The following DOP1B variants were observed in gnomAD, a reference collection of about 807,000 sequenced individuals.
DOP1B encodes protein DOP1B.
Under a neutral mutation model 233.5 loss-of-function variants are expected in DOP1B, and 174 were observed. The observed-to-expected ratio is 0.75, with a 90% CI of 0.66 to 0.85. DOP1B has a LOEUF of 0.85. DOP1B is among the 40% of genes least tolerant of loss of function. The pLI, the probability that DOP1B is intolerant of heterozygous loss-of-function variation, is 0.00. For synonymous variants in DOP1B, 1,190 were observed against 1,185.6 expected, an observed-to-expected ratio of 1.00 and a Z score of -0.08; for missense variants, 2,652 against 2,846.6, an observed-to-expected ratio of 0.93 and a Z score of 1.56.
intron 32 of DOP1B, among the ~76,000 whole-genome samples, chr21:36,283,168 G>A (rs62232383): frequency 0.41 from 62,792 of 151,318 alleles, 13,117 homozygotes; most frequent in Middle Eastern, 0.52. Context: ...TGAAACCTCC[G>A]CCTCCTAGGT....
At chr21:36,265,477 T>A (rs2067220513) in intron 26 of DOP1B, among the ~76,000 whole-genome samples, 3 of 152,228 alleles carry the variant, frequency 2.0e-5, no homozygotes, top group African/African-American at 4.8e-5. Flanking sequence ...CCTTGACTTG[T>A]AGCCAGAGAA....
intron 26 of DOP1B, among the ~76,000 whole-genome samples, chr21:36,265,403 A>G (rs2067219664): frequency 1.4e-5 from 2 of 144,530 alleles, no homozygotes; most frequent in Non-Finnish European, 3.0e-5. Context: ...TCTCAAAAAC[A>G]AAAAACAAAA....
intron 4 of DOP1B, among the ~76,000 whole-genome samples, chr21:36,202,994 A>C (rs531985455): frequency 6.6e-6 from 1 of 152,368 alleles, no homozygotes; most frequent in Non-Finnish European, 1.5e-5. Context: ...GGACAGATGA[A>C]CACATTAGTT....
intron 27 of DOP1B, among the ~76,000 whole-genome samples, chr21:36,271,861 G>A (rs753693654): frequency 6.6e-5 from 10 of 151,890 alleles, no homozygotes; most frequent in Non-Finnish European, 1.3e-4. Context: ...AGCTGGGAGG[G>A]TTGGCTCATG....
chr21:36,272,778 A>G (rs1019236038), intron 27 of DOP1B, among the ~76,000 whole-genome samples: 2 of 151,832 alleles, frequency 1.3e-5, no homozygotes, highest in African/African-American at 4.8e-5. Context: ...TGAGGTCCAG[A>G]GTTCGAGACC....
chr21:36,196,250 A>T (rs1370562894), intron 2 of DOP1B, among the ~76,000 whole-genome samples: 2 of 152,244 alleles, frequency 1.3e-5, no homozygotes, highest in Non-Finnish European at 2.9e-5. Flanking sequence ...GACAGCTTTT[A>T]GCTCTCCTGC....
In DOP1B at chr21:36,164,387, C is replaced by T. The variant is rs190692155; in HGVS notation, c.-26-321C>T. Reference sequence around the variant, plus strand: ...AGGGGCTGTGCTCATTTAAAATTACCGGCTGGCAACAACATATAGTCTAGC... The same window carrying T: ...AGGGGCTGTGCTCATTTAAAATTACTGGCTGGCAACAACATATAGTCTAGC... On this transcript the variant is annotated intron_variant, in intron 1 of 36. Transcript: ENST00000691173. 1.7e-4 allele frequency: 27 copies of T among 163,006 alleles called. No homozygotes were observed. The East Asian group carries it at 2.3e-3, about 14-fold the overall frequency. The allele number at this position is 163,006 out of a possible 1,614,324, so 10.1% of individuals were successfully genotyped here.
At chr21:36,290,111 G>C (rs529220957) in intron 35 of DOP1B, among the ~76,000 whole-genome samples, 3 of 152,316 alleles carry the variant, frequency 2.0e-5, no homozygotes, top group Admixed American at 6.5e-5. Flanking sequence ...CTCTGGTGCA[G>C]GATGTTGATA....
intron 27 of DOP1B, among the ~76,000 whole-genome samples, chr21:36,273,300 G>A (rs1052456751): frequency 1.3e-4 from 19 of 150,232 alleles, no homozygotes; most frequent in Non-Finnish European, 2.2e-4. Context: ...CCAGCTACCC[G>A]GGAGGCTGAG....
intron 23 of DOP1B, among the ~76,000 whole-genome samples, chr21:36,258,365 C>T (rs1351188350): frequency 2.6e-5 from 4 of 152,104 alleles, no homozygotes; most frequent in Admixed American, 2.0e-4. Flanking sequence ...CAAGATCACG[C>T]CACTGCACTC....
Position 36,232,955 on chromosome 21 carries a change from G to A in DOP1B, c.2502G>A (p.Lys834=), listed in dbSNP as rs1029935193. ...SQSLALVIED[K]MKRYKSSGHN... ...CCCTGGCGCTTGTCATTGAAGACAAGATGAAACGCTATAAGAGCTCTGGAC... is the reference window on the plus strand; with the variant it reads ...CCCTGGCGCTTGTCATTGAAGACAAAATGAAACGCTATAAGAGCTCTGGAC... Residue 834 remains lysine, a synonymous_variant, in exon 15 of 37, where the codon AAG becomes AAA. Transcript: ENST00000691173. 6.2e-7 allele frequency: 1 copy of A among 1,614,142 alleles called. No individual in the cohort carries two copies. Among genetic ancestry groups the A allele is most frequent in the Non-Finnish European group, 8.5e-7 (1 of 1,180,036 alleles).
chr21:36,217,321 C>T (rs2066571832), intron 9 of DOP1B, among the ~76,000 whole-genome samples: 2 of 152,166 alleles, frequency 1.3e-5, no homozygotes, highest in Non-Finnish European at 2.9e-5. Context: ...ATTTTTTGAG[C>T]AATTATTTTG....
intron 19 of DOP1B, among the ~76,000 whole-genome samples, 164 bp from the exon 20 acceptor site, chr21:36,247,353 C>A (rs2066978971): frequency 6.6e-6 from 1 of 152,134 alleles, no homozygotes; most frequent in African/African-American, 2.4e-5. Context: ...TAAAATCACA[C>A]AAAGGATGGT....
Position 36,246,934 on chromosome 21 carries a change from C to T in DOP1B, c.4697+257C>T, listed in dbSNP as rs2066973548. On this transcript the variant is annotated intron_variant, in intron 19 of 36. Coordinates refer to ENST00000691173, the MANE Select transcript of DOP1B (RefSeq NM_001320714.2). The surrounding 1 kb of genome is among the most constrained non-coding windows in gnomAD (Gnocchi z 5.1). Reference sequence around the variant, plus strand: ...AGTCTCTGTCACCCAGGCTGGAGTGCAGTGGCATGACCTCAGCTCACTGCA... The same window carrying T: ...AGTCTCTGTCACCCAGGCTGGAGTGTAGTGGCATGACCTCAGCTCACTGCA... Among the ~76,000 whole-genome samples, 1 of 152,124 alleles carries T rather than the reference C, an allele frequency of 6.6e-6. No individual in the cohort carries two copies. The highest frequency in any genetic ancestry group is 1.5e-5 in the Non-Finnish European group (1 of 68,040).
At chr21:36,276,933 T>C (rs1031848873) in intron 27 of DOP1B, 88 bp from the exon 28 acceptor site, 3 of 1,282,522 alleles carry the variant, frequency 2.3e-6, no homozygotes, top group Non-Finnish European at 3.3e-6. Flanking sequence ...CGGGAGCTGA[T>C]GGCTCACATT....
chr21:36,166,405 C>G (rs2409759), intron 2 of DOP1B, among the ~76,000 whole-genome samples: 56,153 of 151,218 alleles, frequency 0.37, 10,575 homozygotes, highest in South Asian at 0.5. Flanking sequence ...CCACTGCCCT[C>G]CATCCTGGGT....
intron 9 of DOP1B, among the ~76,000 whole-genome samples, chr21:36,217,040 A>G (rs985853517): frequency 4.9e-5 from 7 of 142,022 alleles, no homozygotes; most frequent in Non-Finnish European, 7.5e-5. Context: ...ACACCACTAC[A>G]CTCCAGCCTG....
At position 36,270,641 on chromosome 21, in the gene DOP1B, T is replaced by C. The variant is rs1413830217; in HGVS notation, c.5632+484T>C. On this transcript the variant is annotated intron_variant, in intron 27 of 36. Coordinates refer to ENST00000691173, the MANE Select transcript of DOP1B (RefSeq NM_001320714.2). ...GAAAACATCACTTTGAGGCCAGGCA[T>C]GGTGGCTCACGCCTGTAATCCCAGC... is the stretch of plus-strand genomic sequence containing the variant. 4.2e-5 allele frequency among the ~76,000 whole-genome samples: 6 copies of C among 141,890 alleles called. 1 individual carries two copies. The highest frequency in any genetic ancestry group is 1.3e-4 in the African/African-American group (5 of 37,588). 93.1% of individuals were successfully genotyped at this position (141,890 alleles called of 152,430 possible). A position where few individuals can be genotyped will look rare whatever the true frequency, so the allele number is the denominator to read the frequency against.
chr21:36,251,043 A>G, intron 21 of DOP1B, 119 bp from the exon 22 acceptor site: 1 of 1,387,766 alleles, frequency 7.2e-7, no homozygotes, highest in Non-Finnish European at 9.6e-7. Context: ...TCAGCACAAC[A>G]TTGGGCACAA....
Sources: gnomAD v4.1 joint callset for allele counts (sites outside exome capture counted in the v4.1 genomes callset) on GRCh38, gnomAD v4.1.1 for gene constraint, Gnocchi (gnomAD v3.1) non-coding constraint, MANE v1.5 for transcripts, NCBI Gene and HGNC (gene_info 2026-07-23, HGNC 2026-07-21) for gene names.